Variants in RAD52 observed in about 807,000 individuals in gnomAD.
The protein encoded by RAD52 is DNA repair protein RAD52 homolog.
Under a neutral mutation model 55.5 loss-of-function variants are expected in RAD52, and 47 were observed. The observed-to-expected ratio is 0.85, with a 90% CI of 0.67 to 1.08. The LOEUF (loss-of-function observed/expected upper bound fraction) is 1.08. Ranked by LOEUF, RAD52 falls within the 50% of genes least tolerant of loss-of-function variation. RAD52 has a pLI of 0.00. For missense variants in RAD52, 468 were observed against 522.8 expected (o/e 0.90, Z 1.02); for synonymous variants, 184 against 198.9 (o/e 0.92, Z 0.63).
intron 11 of RAD52, 129 bp downstream of exon 11, chr12:913,765 A>G (rs1956214688): frequency 3.5e-6 from 3 of 851,988 alleles, no homozygotes; most frequent in Non-Finnish European, 5.6e-6. Context: ...TTCTACTTGC[A>G]GTACCATTCC....
intron 1 of RAD52, among the ~76,000 whole-genome samples, chr12:973,225 A>G (rs1343386779): frequency 1.3e-5 from 2 of 151,824 alleles, no homozygotes; most frequent in East Asian, 3.9e-4. Context: ...GCCCGCCACC[A>G]CACCCGGCTA....
intron 1 of RAD52, among the ~76,000 whole-genome samples, chr12:972,921 G>T (rs1030006420): frequency 1.3e-5 from 2 of 152,268 alleles, no homozygotes; most frequent in Admixed American, 6.5e-5. Context: ...AATTTTGTAG[G>T]ACATTATAGG....
intron 1 of RAD52, among the ~76,000 whole-genome samples, chr12:984,298 C>T (rs1426489276): frequency 2.0e-5 from 3 of 151,954 alleles, no homozygotes; most frequent in African/African-American, 4.8e-5. Flanking sequence ...CGGGTTCAAG[C>T]GATTTTCCTG....
chr12:964,732 T>C (rs144630111), intron 1 of RAD52, among the ~76,000 whole-genome samples: 1 of 152,088 alleles, frequency 6.6e-6, no homozygotes, highest in East Asian at 1.9e-4. Flanking sequence ...GCGCATGCAC[T>C]ACGCCCAGCT....
chr12:956,137 G>A (rs1958602576), intron 1 of RAD52, among the ~76,000 whole-genome samples: 1 of 152,132 alleles, frequency 6.6e-6, no homozygotes. Flanking sequence ...CCAATAGAAT[G>A]CAAGTGGAAG....
At chr12:917,007 T>G (rs932887795) in intron 7 of RAD52, among the ~76,000 whole-genome samples, 187 bp from the exon 8 acceptor site, 1 of 152,208 alleles carries the variant, frequency 6.6e-6, no homozygotes, top group Non-Finnish European at 1.5e-5. Flanking sequence ...AGTGAAGTTT[T>G]GATAAAAAGG....
upstream of RAD52, chr12:991,103 CGGGAGGCTGAGGGAAA>C (rs1190379560): frequency 6.6e-6 from 1 of 151,488 alleles, no homozygotes; most frequent in South Asian, 1.9e-4. Flanking sequence ...GTCACGCTCC[CGGGAGGCTGAGGGAAA>C]GGGAGGCAGC....
At chr12:926,568 T>C (rs1339279023) in intron 6 of RAD52, among the ~76,000 whole-genome samples, 4 of 152,050 alleles carry the variant, frequency 2.6e-5, no homozygotes, top group Non-Finnish European at 4.4e-5. Context: ...TCTCTCTTGC[T>C]CCCTCTCTCT....
intron 1 of RAD52, among the ~76,000 whole-genome samples, chr12:939,728 T>A: frequency 6.6e-6 from 1 of 152,180 alleles, no homozygotes; most frequent in East Asian, 1.9e-4. Flanking sequence ...ATCTCAGCTC[T>A]TTAAGGACAG....
rs1957235570 is a variant in RAD52 at position 929,863 on chromosome 12, T to C, written c.304A>G (p.Lys102Glu). The C allele has an allele frequency of 6.2e-7, 1 of 1,613,912 alleles. No homozygotes were observed. Residue 102 changes from lysine (K) to glutamate (E), a missense_variant, in exon 5 of 12, where the codon AAG becomes GAG. Lys to Glu is a moderately conservative substitution (Grantham distance 56, BLOSUM62 1). Coordinates refer to ENST00000358495, the MANE Select transcript of RAD52 (RefSeq NM_134424.4). ...AATGCACAGACTCCCACGTAGAACT[T>C]GCCATTGTTGAGGTCAACAAAATCT... Reference protein sequence around the residue: ...NVDFVDLNNGKFYVGVCAFVR... With the variant: ...NVDFVDLNNGEFYVGVCAFVR...
At chr12:925,784 A>G (rs1482474488) in intron 6 of RAD52, among the ~76,000 whole-genome samples, 1 of 152,110 alleles carries the variant, frequency 6.6e-6, no homozygotes, top group East Asian at 1.9e-4. Flanking sequence ...TTACGGCGCC[A>G]TTCACAAAAC....
intron 1 of RAD52, among the ~76,000 whole-genome samples, chr12:966,258 C>T (rs1308287519): frequency 6.6e-6 from 1 of 152,104 alleles, no homozygotes; most frequent in East Asian, 1.9e-4. Flanking sequence ...TGAGCCACCG[C>T]GATGGGCCCA....
rs764323834 is a variant in RAD52 at position 913,877 on chromosome 12, A to G, written c.1195+17T>C. ...GGATCTCCCCTTAATTTTTGTGCCT[A>G]AACACCTCTCTGCTACCTGTTGTGC... On this transcript the variant is annotated intron_variant, in intron 11 of 11. Transcript: ENST00000358495. 1.2e-6 allele frequency: 2 copies of G among 1,607,282 alleles called. No individual in the cohort carries two copies. Among genetic ancestry groups the G allele is most frequent in the South Asian group, 2.2e-5 (2 of 90,904 alleles).
At position 931,306 on chromosome 12, in the gene RAD52, C is replaced by G; in HGVS notation, c.100G>C (p.Glu34Gln). 1 of 1,603,106 alleles carries G rather than the reference C, an allele frequency of 6.2e-7. No individual in the cohort carries two copies. The highest frequency in any genetic ancestry group is 8.5e-7 in the Non-Finnish European group (1 of 1,176,004). ...LCFGQCQYTA[E>Q]EYQAIQKALR... ...GCCTTCTGGATGGCCTGGTACTCTT[C>G]TGCTGTGTACTGGCACTGCAACCCC... The change falls in exon 3 of 12, where the codon GAA becomes CAA. Residue 34 changes from glutamate (E) to glutamine (Q), a missense_variant. Physicochemically the swap from Glu to Gln is conservative, Grantham distance 29. Coordinates refer to ENST00000358495, the MANE Select transcript of RAD52 (RefSeq NM_134424.4).
At chr12:980,636 C>T (rs1959002105) in intron 1 of RAD52, among the ~76,000 whole-genome samples, 1 of 148,342 alleles carries the variant, frequency 6.7e-6, no homozygotes, top group South Asian at 2.1e-4. Context: ...GAGTCTTGCT[C>T]TGTTGCCCAG....
upstream of RAD52, among the ~76,000 whole-genome samples, chr12:990,819 C>G (rs973972919): frequency 1.3e-5 from 2 of 151,554 alleles, no homozygotes; most frequent in Admixed American, 6.6e-5. Flanking sequence ...TGGGAAGACA[C>G]GAAGCGGCTC....
intron 11 of RAD52, among the ~76,000 whole-genome samples, 173 bp from the exon 12 acceptor site, chr12:913,625 C>G (rs545427259): frequency 6.6e-6 from 1 of 152,206 alleles, no homozygotes; most frequent in Admixed American, 6.5e-5. Context: ...GTGCTCATGA[C>G]AGACCTGCTG....
At chr12:962,887 T>C (rs1179491867) in intron 1 of RAD52, among the ~76,000 whole-genome samples, 5 of 152,124 alleles carry the variant, frequency 3.3e-5, no homozygotes, top group Admixed American at 3.3e-4. Flanking sequence ...TTTTTTATAC[T>C]TTTCACTTTT....
At position 927,175 on chromosome 12, in the gene RAD52, G is replaced by C. The variant is rs775265125; in HGVS notation, c.437C>G (p.Ala146Gly). The C allele has an allele frequency of 1.2e-6, 2 of 1,614,054 alleles. No individual in the cohort carries two copies. The highest frequency in any genetic ancestry group is 1.7e-6 in the Non-Finnish European group (2 of 1,179,980). Residue 146 changes from alanine to glycine, a missense_variant, in exon 6 of 12, where the codon GCG becomes GGG. By Grantham distance (60) the Ala-to-Gly change is moderately conservative. Coordinates refer to ENST00000358495, the MANE Select transcript of RAD52 (RefSeq NM_134424.4). ...GGCTCGCTTCAGCCCGTCTGTCACC[G>C]CCTCCTTCCTTGCCTTCTCCAAAGA... is the stretch of plus-strand genomic sequence containing the variant. ...ALSLEKARKEAVTDGLKRALR... is the reference protein window; with the variant it reads ...ALSLEKARKEGVTDGLKRALR...
Sources: allele counts gnomAD v4.1 joint callset (sites outside exome capture counted in the v4.1 genomes callset), GRCh38; gene constraint gnomAD v4.1.1; transcripts MANE v1.5; gene names NCBI Gene and HGNC (gene_info 2026-07-23, HGNC 2026-07-21).